POLA2: variants seen among roughly 807,000 people sequenced by gnomAD.
POLA2 encodes DNA polymerase alpha 2, accessory subunit, also known as DNA polymerase alpha subunit B.
POLA2 carries 47 observed loss-of-function variants against 82.8 expected under a neutral mutation model. The ratio of observed to expected loss-of-function variants is 0.57; its 90% CI spans 0.45 to 0.72. POLA2 has a LOEUF of 0.72. Ranked by LOEUF, POLA2 falls within the 30% of genes least tolerant of loss-of-function variation. POLA2 has a pLI of 0.00. For missense variants in POLA2, 634 were observed against 728.1 expected, an observed-to-expected ratio of 0.87 and a Z score of 1.49; for synonymous variants, 287 against 286.8, an observed-to-expected ratio of 1.00 and a Z score of -0.01.
At chr11:65,302,694 C>T (rs780166085), downstream of POLA2, among the ~76,000 whole-genome samples, 3 of 151,874 alleles carry the variant, frequency 2.0e-5, no homozygotes, top group South Asian at 2.1e-4. Flanking sequence ...GCTCAGAGAA[C>T]GATTTGTCAT....
At chr11:65,282,984 T>C (rs1388083085) in intron 10 of POLA2, among the ~76,000 whole-genome samples, 1 of 151,966 alleles carries the variant, frequency 6.6e-6, no homozygotes, top group African/African-American at 2.4e-5. Flanking sequence ...AAAAAAAATA[T>C]TAGCTGGGCT....
chr11:65,262,020 A>C lies in POLA2; in HGVS notation c.-273A>C. On this transcript the variant is annotated 5_prime_UTR_variant, in exon 1 of 18. Transcript: ENST00000265465. ...AGCTTTTGGGAAGCAGGACGTTCTC[A>C]CCAGGAGAGCGTCCTCTCGAGATTT... 1.9e-6 allele frequency: 1 copy of C among 524,852 alleles called. No homozygotes were observed. The highest frequency in any genetic ancestry group is 3.4e-6 in the Non-Finnish European group (1 of 296,448). The allele number at this position is 524,852 out of a possible 1,614,324, so 32.5% of individuals were successfully genotyped here.
chr11:65,299,101 G>A (rs1284086077), downstream of POLA2, among the ~76,000 whole-genome samples: 2 of 152,218 alleles, frequency 1.3e-5, no homozygotes, highest in Non-Finnish European at 2.9e-5. Flanking sequence ...CTTCAGCTGT[G>A]TCACCAGTTT....
At chr11:65,281,229 C>T in intron 8 of POLA2, 82 bp downstream of exon 8, 1 of 1,428,104 alleles carries the variant, frequency 7.0e-7, no homozygotes, top group Non-Finnish European at 9.7e-7. Flanking sequence ...GCAGCTGCTC[C>T]TCAGTTCCTG....
At chr11:65,305,564 C>T (rs761295942) in exon 9 of POLA2, 23 of 365,258 alleles carry the variant, frequency 6.3e-5, no homozygotes, top group African/African-American at 1.5e-4. Context: ...GTCCCAGCCA[C>T]GCAGGAGGCC....
At chr11:65,269,197 A>C (rs533392130) in intron 4 of POLA2, among the ~76,000 whole-genome samples, 1 of 152,178 alleles carries the variant, frequency 6.6e-6, no homozygotes, top group African/African-American at 2.4e-5. Context: ...AGCAACAACT[A>C]TGTGGCCAGG....
chr11:65,279,775 T>A lies in POLA2; in HGVS notation c.744+149T>A. 4 of 581,016 alleles carry A rather than the reference T, an allele frequency of 6.9e-6. No homozygotes were observed. The South Asian group carries it at 8.9e-5, about 13-fold the overall frequency. The allele number at this position is 581,016 out of a possible 1,614,324, so 36.0% of individuals were successfully genotyped here. A position where few individuals can be genotyped will look rare whatever the true frequency, so the allele number is the denominator to read the frequency against. On this transcript the variant is annotated intron_variant, in intron 7 of 17. Coordinates refer to ENST00000265465, the MANE Select transcript of POLA2 (RefSeq NM_002689.4). ...TTGAATTTGGGAAAATGGGCCCTTC[T>A]GAAGAAAGATTTGTAAGTGCTGTCT... is the stretch of plus-strand genomic sequence containing the variant.
Position 65,262,236 on chromosome 11 carries a change from C to T in POLA2, c.-57C>T, listed in dbSNP as rs1949405590. On this transcript the variant is annotated 5_prime_UTR_variant, in exon 1 of 18. Transcript: ENST00000265465. ...CATCGCTCGCCACCCCCGTGGGCTTCTTGGGCGCAGGTCGGAGCTGGGTGG... is the reference window on the plus strand; with the variant it reads ...CATCGCTCGCCACCCCCGTGGGCTTTTTGGGCGCAGGTCGGAGCTGGGTGG... The T allele has an allele frequency of 2.8e-6, 4 of 1,448,662 alleles. No individual in the cohort carries two copies. The highest frequency in any genetic ancestry group is 1.4e-5 in the African/African-American group (1 of 71,420). The allele number at this position is 1,448,662 out of a possible 1,614,324, so 89.7% of individuals were successfully genotyped here.
chr11:65,278,809 T>G lies in POLA2; in HGVS notation c.541T>G (p.Ser181Ala). The G allele has an allele frequency of 1.2e-6, 2 of 1,613,796 alleles. No individual in the cohort carries two copies. Among genetic ancestry groups the G allele is most frequent in the Non-Finnish European group, 1.7e-6 (2 of 1,180,018 alleles). The change falls in exon 6 of 18, where the codon TCT (serine) becomes GCT (alanine). Residue 181 changes from serine to alanine, a missense_variant. By Grantham distance (99) the Ser-to-Ala change is moderately conservative. Coordinates refer to ENST00000265465, the MANE Select transcript of POLA2 (RefSeq NM_002689.4). ...CTCCTTCGGCTTAGCACAGGGAGTA[T>G]CTTGGTCTGGGAGAGGAGGAGCTGG... is the stretch of plus-strand genomic sequence containing the variant. Reference protein sequence around the residue: ...VTSFGLAQGVSWSGRGGAGNI... With the variant: ...VTSFGLAQGVAWSGRGGAGNI...
intron 4 of POLA2, among the ~76,000 whole-genome samples, chr11:65,273,117 C>T (rs1206765039): frequency 3.3e-5 from 5 of 151,834 alleles, no homozygotes; most frequent in African/African-American, 9.7e-5. Flanking sequence ...GTCAGGAGTT[C>T]GAGACCAGCC....
At chr11:65,272,744 G>A (rs998026882) in intron 4 of POLA2, among the ~76,000 whole-genome samples, 2 of 152,222 alleles carry the variant, frequency 1.3e-5, no homozygotes, top group Non-Finnish European at 2.9e-5. Context: ...CACTGCGGTG[G>A]CTCACGCCTG....
intron 4 of POLA2, among the ~76,000 whole-genome samples, chr11:65,271,838 GAAAAAAAAA>G (rs1213411869): frequency 9.6e-5 from 8 of 83,346 alleles, no homozygotes; most frequent in African/African-American, 3.0e-4. Flanking sequence ...GACTCCGTCT[GAAAAAAAAA>G]AAAAAAAAAA....
At chr11:65,292,668 T>C (rs926547184) in intron 13 of POLA2, among the ~76,000 whole-genome samples, 2 of 152,226 alleles carry the variant, frequency 1.3e-5, no homozygotes, top group African/African-American at 2.4e-5. Context: ...CAATAATGAA[T>C]ATGCAAACAC....
Position 65,266,544 on chromosome 11 carries a change from G to T in POLA2, c.80-38G>T. On this transcript the variant is annotated intron_variant, in intron 1 of 17. Coordinates refer to ENST00000265465, the MANE Select transcript of POLA2 (RefSeq NM_002689.4). ...TTTTCTAGGTGAAACTTCGAGAAAT[G>T]AACTAAGTTTTTACTTGTCCAATTT... 3 of 1,610,478 alleles carry T rather than the reference G, an allele frequency of 1.9e-6. No individual in the cohort carries two copies. The South Asian group carries it at 3.3e-5, about 18-fold the overall frequency.
At chr11:65,305,577 G>A (rs1174837605) in exon 9 of POLA2, 1 of 363,254 alleles carries the variant, frequency 2.8e-6, no homozygotes, top group Non-Finnish European at 5.4e-6. Context: ...AGGAGGCCAA[G>A]GCGGGAGGAT....
At chr11:65,264,321 G>A (rs775571262) in intron 1 of POLA2, among the ~76,000 whole-genome samples, 12 of 152,030 alleles carry the variant, frequency 7.9e-5, no homozygotes, top group Non-Finnish European at 1.5e-4. Flanking sequence ...CTCCCACCTC[G>A]GCCTCCCAAA....
chr11:65,304,676 G>T (rs1949877335), intron 8 of POLA2, among the ~76,000 whole-genome samples: 1 of 152,220 alleles, frequency 6.6e-6, no homozygotes, highest in Middle Eastern at 3.2e-3. Flanking sequence ...GGAGGCATGG[G>T]GGTGGCCAGG....
At chr11:65,264,550 A>G (rs1949437734) in intron 1 of POLA2, among the ~76,000 whole-genome samples, 1 of 152,096 alleles carries the variant, frequency 6.6e-6, no homozygotes, top group Non-Finnish European at 1.5e-5. Context: ...CTCCTGTAAC[A>G]TCCTTCTGTC....
In POLA2 at chr11:65,295,852, C is replaced by T; in HGVS notation, c.1521-12C>T. 2 of 1,603,764 alleles carry T rather than the reference C, an allele frequency of 1.2e-6. No homozygotes were observed. Among genetic ancestry groups the T allele is most frequent in the African/African-American group, 2.7e-5 (2 of 74,852 alleles). On this transcript the variant is annotated splice_polypyrimidine_tract_variant and intron_variant, in intron 16 of 17. Transcript: ENST00000265465. ...GTCAGCTAGTGCTGACAATTTCTCT[C>T]TGTCTCTGTAGCTACTACCCACTCT...
Sources: allele counts gnomAD v4.1 joint callset (sites outside exome capture counted in the v4.1 genomes callset), GRCh38; gene constraint gnomAD v4.1.1; transcripts MANE v1.5; gene names NCBI Gene and HGNC (gene_info 2026-07-23, HGNC 2026-07-21).